The following CNTN5 variants were observed in gnomAD, a reference collection of about 807,000 sequenced individuals.
CNTN5 encodes contactin-5.
A neutral mutation model predicts 129.1 loss-of-function variants in CNTN5; 77 were observed. That is an observed-to-expected ratio of 0.60 (90% CI 0.50 to 0.72). The LOEUF (loss-of-function observed/expected upper bound fraction) is 0.72, where lower values mean the gene tolerates loss of function less well. Ranked by LOEUF, CNTN5 falls within the 30% of genes least tolerant of loss-of-function variation. CNTN5 has a pLI of 0.00. For synonymous variants in CNTN5, 509 were observed against 465.6 expected (o/e 1.09, Z -1.20); for missense variants, 1,478 against 1,328.8 (o/e 1.11, Z -1.75).
chr11:99,565,852 G>A (rs1224117697), intron 3 of CNTN5, among the ~76,000 whole-genome samples: 1 of 152,056 alleles, frequency 6.6e-6, no homozygotes, highest in Non-Finnish European at 1.5e-5. Context: ...CCTTCAGAGG[G>A]CAGAAGGGAA....
intron 2 of CNTN5, among the ~76,000 whole-genome samples, chr11:99,529,457 A>G (rs1407525332): frequency 6.6e-6 from 1 of 152,198 alleles, no homozygotes; most frequent in Non-Finnish European, 1.5e-5. Context: ...TGAAACAACG[A>G]TCTTGTGATT....
chr11:99,414,551 A>G (rs1488142828), intron 2 of CNTN5, among the ~76,000 whole-genome samples: 3 of 152,134 alleles, frequency 2.0e-5, no homozygotes, highest in Non-Finnish European at 4.4e-5. Context: ...AAATACATAT[A>G]CAGTATGTCA....
chr11:100,227,098 G>A (rs1949391683), intron 16 of CNTN5, among the ~76,000 whole-genome samples: 1 of 152,112 alleles, frequency 6.6e-6, no homozygotes, highest in Admixed American at 6.6e-5. Flanking sequence ...AATACTAAAA[G>A]TAGATTGGCT....
At chr11:100,348,552 A>T (rs898054776) in intron 23 of CNTN5, among the ~76,000 whole-genome samples, 1 of 152,016 alleles carries the variant, frequency 6.6e-6, no homozygotes, top group Non-Finnish European at 1.5e-5. Flanking sequence ...TAAGAAATGT[A>T]ATTTATTGAA....
chr11:100,169,648 T>C (rs1228306976), intron 13 of CNTN5, among the ~76,000 whole-genome samples: 3 of 152,026 alleles, frequency 2.0e-5, no homozygotes, highest in African/African-American at 7.2e-5. Flanking sequence ...TAACAATAAC[T>C]TTTGTATGCA....
intron 2 of CNTN5, among the ~76,000 whole-genome samples, chr11:99,408,499 A>T (rs149006403): frequency 8.3e-5 from 12 of 145,360 alleles, no homozygotes; most frequent in South Asian, 4.7e-4. Flanking sequence ...AGAAAGAAAG[A>T]AAGAAAGTTA....
Position 99,523,400 on chromosome 11 carries a change from G to T in CNTN5, c.-70-32745G>T, listed in dbSNP as rs116467760. On this transcript the variant is annotated intron_variant, in intron 2 of 24. Transcript: ENST00000524871. ...CCTTGAGTTTAGGACTTCCAGACCA[G>T]CCTAGGCGACGTGGCGAAACCCCAT... 7.9e-3 allele frequency among the ~76,000 whole-genome samples: 1,209 copies of T among 152,166 alleles called. 24 individuals carry two copies. The highest frequency in any genetic ancestry group is 0.028 in the African/African-American group (1,157 of 41,500).
intron 7 of CNTN5, among the ~76,000 whole-genome samples, chr11:99,925,957 A>T (rs977113667): frequency 5.3e-5 from 8 of 152,162 alleles, no homozygotes; most frequent in African/African-American, 1.7e-4. Context: ...ACATCCAGGG[A>T]TTCTCATCCT....
intron 3 of CNTN5, among the ~76,000 whole-genome samples, chr11:99,808,607 C>T (rs868534008): frequency 1.3e-5 from 2 of 152,140 alleles, no homozygotes; most frequent in Admixed American, 6.6e-5. Context: ...AAAAATCACT[C>T]GGGGACTTCA....
intron 1 of CNTN5, among the ~76,000 whole-genome samples, chr11:99,324,805 C>G (rs544668377): frequency 4.2e-4 from 64 of 152,176 alleles, no homozygotes; most frequent in Non-Finnish European, 7.9e-4. Context: ...CCACGCCCAG[C>G]TACTTTTTTG....
chr11:100,323,914 C>T (rs1951743356), intron 21 of CNTN5, among the ~76,000 whole-genome samples: 1 of 152,026 alleles, frequency 6.6e-6, no homozygotes, highest in South Asian at 2.1e-4. Context: ...TCTCTCTTCC[C>T]AGCATCTCAT....
At chr11:99,835,921 C>T (rs1947287564) in intron 4 of CNTN5, among the ~76,000 whole-genome samples, 1 of 152,068 alleles carries the variant, frequency 6.6e-6, no homozygotes, top group Non-Finnish European at 1.5e-5. Context: ...GGTCCGGATA[C>T]AGACCCCAAG....
chr11:99,957,633 A>G (rs1466745420), intron 8 of CNTN5, among the ~76,000 whole-genome samples: 1 of 152,032 alleles, frequency 6.6e-6, no homozygotes, highest in African/African-American at 2.4e-5. Context: ...CTATATTACC[A>G]TTGATATATG....
chr11:99,784,156 T>C (rs575058437), intron 3 of CNTN5, among the ~76,000 whole-genome samples: 1 of 152,212 alleles, frequency 6.6e-6, no homozygotes, highest in South Asian at 2.1e-4. Context: ...TTTACTATTA[T>C]TATTATACTT....
chr11:99,758,837 T>C (rs1944486043), intron 3 of CNTN5, among the ~76,000 whole-genome samples: 1 of 152,072 alleles, frequency 6.6e-6, no homozygotes, highest in South Asian at 2.1e-4. Flanking sequence ...TCATAATTCA[T>C]AGTATAAGAT....
chr11:99,753,215 C>T (rs897598643), intron 3 of CNTN5, among the ~76,000 whole-genome samples: 8 of 145,854 alleles, frequency 5.5e-5, no homozygotes, highest in African/African-American at 1.5e-4. Context: ...CGCTGCCTTC[C>T]GTGTTCATGC....
intron 9 of CNTN5, among the ~76,000 whole-genome samples, chr11:100,027,020 A>G (rs950123264): frequency 8.7e-5 from 13 of 150,036 alleles, no homozygotes; most frequent in Non-Finnish European, 1.2e-4. Context: ...ATTTGGATTT[A>G]AAAAAAAAAT....
At chr11:99,591,950 C>T (rs1403975668) in intron 3 of CNTN5, among the ~76,000 whole-genome samples, 2 of 152,110 alleles carry the variant, frequency 1.3e-5, no homozygotes, top group Admixed American at 6.5e-5. Context: ...AGAAAAGTAA[C>T]AATTTTTTTA....
At position 99,335,844 on chromosome 11, in the gene CNTN5, G is replaced by C. The variant is rs542945072; in HGVS notation, c.-71+10360G>C. 2.0e-5 allele frequency among the ~76,000 whole-genome samples: 3 copies of C among 152,216 alleles called. No homozygotes were observed. The South Asian group carries it at 6.2e-4, about 32-fold the overall frequency. On this transcript the variant is annotated intron_variant, in intron 2 of 24. Transcript: ENST00000524871. ...AGGCAGAGAAGCAGGATGAGACTCG[G>C]ACCCTCGAGATGAGACAATGAGTAC... is the stretch of plus-strand genomic sequence containing the variant.
Sources: allele counts gnomAD v4.1 joint callset (sites outside exome capture counted in the v4.1 genomes callset), GRCh38; gene constraint gnomAD v4.1.1; transcripts MANE v1.5; gene names NCBI Gene and HGNC (gene_info 2026-07-23, HGNC 2026-07-21).